The following MTM1 variants were observed in gnomAD, a reference collection of about 807,000 sequenced individuals.
The protein encoded by MTM1 is myotubularin 1.
Under a neutral mutation model 52.1 loss-of-function variants are expected in MTM1, and 9 were observed. The observed-to-expected ratio is 0.17, with a 90% CI of 0.10 to 0.30. MTM1 has a LOEUF of 0.30. Among genes scored for constraint, MTM1 ranks in the 10% least tolerant of loss-of-function variants. MTM1 has a pLI of 1.00. For synonymous variants in MTM1, 136 were observed against 163.8 expected (o/e 0.83, Z 1.29); for missense variants, 277 against 470.7 (o/e 0.59, Z 3.81).
chrX:150,581,968 T>C (rs1222232073), intron 1 of MTM1, among the ~76,000 whole-genome samples: 2 of 112,305 alleles, frequency 1.8e-5, no homozygotes, highest in Non-Finnish European at 3.8e-5. Context: ...AAGCAGATAC[T>C]CTGTTTTGCT....
intron 10 of MTM1, among the ~76,000 whole-genome samples, chrX:150,651,991 G>A (rs1247925052): frequency 1.8e-5 from 2 of 110,892 alleles, no homozygotes; most frequent in African/African-American, 3.3e-5. Context: ...GTGATGTGGT[G>A]GGTGTGAGTG....
intron 6 of MTM1, among the ~76,000 whole-genome samples, chrX:150,625,209 G>C (rs1260182329): frequency 1.8e-5 from 2 of 111,986 alleles, no homozygotes; most frequent in Non-Finnish European, 3.8e-5. Context: ...GTTCTCATCT[G>C]TAATGGAGAT....
chrX:150,602,773 G>A (rs1280513303), intron 4 of MTM1, among the ~76,000 whole-genome samples: 2 of 112,115 alleles, frequency 1.8e-5, no homozygotes, highest in African/African-American at 6.5e-5. Context: ...AGCACTTTGT[G>A]TTTAGGTGCT....
At chrX:150,607,199 G>A (rs1450669013) in intron 4 of MTM1, among the ~76,000 whole-genome samples, 4 of 109,639 alleles carry the variant, frequency 3.6e-5, no homozygotes, top group Non-Finnish European at 7.6e-5. Flanking sequence ...TGTTGGCCAG[G>A]CTGGTCTCGG....
At chrX:150,651,547 A>G (rs781922596) in intron 10 of MTM1, among the ~76,000 whole-genome samples, 2 of 109,280 alleles carry the variant, frequency 1.8e-5, no homozygotes, top group Admixed American at 2.0e-4. Context: ...AAAAAAATGA[A>G]AGGCAAAATA....
intron 1 of MTM1, among the ~76,000 whole-genome samples, chrX:150,583,542 ATTATAC>A (rs2038677766): frequency 3.3e-5 from 1 of 30,081 alleles, no homozygotes; most frequent in South Asian, 4.7e-3. Context: ...AATTATATAT[ATTATAC>A]ATAATTTATA....
intron 4 of MTM1, among the ~76,000 whole-genome samples, chrX:150,600,920 G>T (rs2039057032): frequency 9.0e-6 from 1 of 111,589 alleles, no homozygotes; most frequent in Admixed American, 9.6e-5. Context: ...GATATGACAA[G>T]GTTGTGTATG....
intron 1 of MTM1, among the ~76,000 whole-genome samples, chrX:150,584,587 C>T (rs1350089526): frequency 9.0e-6 from 1 of 111,096 alleles, no homozygotes; most frequent in African/African-American, 3.3e-5. Context: ...GTGCTGGTGC[C>T]AGAATGGAAA....
At chrX:150,593,323 A>T (rs782210461) in intron 2 of MTM1, among the ~76,000 whole-genome samples, 1 of 112,579 alleles carries the variant, frequency 8.9e-6, no homozygotes, top group African/African-American at 3.2e-5. Flanking sequence ...CTGGAAGGCT[A>T]AGGCCTGCTG....
chrX:150,564,868 T>A (rs782405731), upstream of MTM1, among the ~76,000 whole-genome samples: 1 of 112,074 alleles, frequency 8.9e-6, no homozygotes, highest in African/African-American at 3.2e-5. Flanking sequence ...GGCTGCTTTT[T>A]AAATACAGAC....
chrX:150,600,390 C>G (rs1467028848), intron 4 of MTM1, among the ~76,000 whole-genome samples: 6 of 111,931 alleles, frequency 5.4e-5, no homozygotes, highest in African/African-American at 1.9e-4. Context: ...CTTATTTGAA[C>G]CAGTAATTGG....
At chrX:150,642,591 TC>T (rs1261727038) in intron 8 of MTM1, among the ~76,000 whole-genome samples, 2 of 111,837 alleles carry the variant, frequency 1.8e-5, no homozygotes, top group African/African-American at 6.5e-5. Context: ...AGTTCAGTCT[TC>T]CTGTGCTCTG....
At chrX:150,586,947 TAGG>T (rs1158642721) in intron 1 of MTM1, among the ~76,000 whole-genome samples, 1 of 105,917 alleles carries the variant, frequency 9.4e-6, no homozygotes, top group Non-Finnish European at 1.9e-5. Context: ...GCATCTCTGG[TAGG>T]AGGAAGGGAA....
At chrX:150,632,476 A>AGG (rs1310174664) in intron 6 of MTM1, among the ~76,000 whole-genome samples, 5 of 111,813 alleles carry the variant, frequency 4.5e-5, no homozygotes, top group Non-Finnish European at 9.4e-5. Context: ...CTGAAGGTGA[A>AGG]GGGAGCCATT....
rs222419 is a variant in MTM1 at position 150,671,777 on chromosome X, C to T, written c.*182C>T. 1.8e-3 allele frequency: 921 copies of T among 505,355 alleles called. 10 individuals are homozygous for T. The African/African-American group carries it at 0.02, about 11-fold the overall frequency. The allele number at this position is 505,355 out of a possible 1,213,427, so 41.6% of individuals were successfully genotyped here. Reference sequence around the variant, plus strand: ...TTACAAGAAAACTACAGGGTCCACACGGCAATCAGAAGAAAGGAGCTGAGA... The same window carrying T: ...TTACAAGAAAACTACAGGGTCCACATGGCAATCAGAAGAAAGGAGCTGAGA... On this transcript the variant is annotated 3_prime_UTR_variant, in exon 15 of 15. Coordinates refer to ENST00000370396, the MANE Select transcript of MTM1 (RefSeq NM_000252.3).
chrX:150,603,676 T>G (rs1335651460), intron 4 of MTM1, among the ~76,000 whole-genome samples: 1 of 111,913 alleles, frequency 8.9e-6, no homozygotes, highest in South Asian at 3.7e-4. Context: ...GGGAAATTAG[T>G]CTGAAGGCAT....
chrX:150,626,039 G>T (rs781848797), intron 6 of MTM1, among the ~76,000 whole-genome samples: 5 of 112,420 alleles, frequency 4.4e-5, no homozygotes, highest in Middle Eastern at 4.6e-3. Context: ...GCATTTGCAG[G>T]TGTTTGTTAC....
chrX:150,566,427 C>T (rs1319561699), upstream of MTM1, among the ~76,000 whole-genome samples: 3 of 111,764 alleles, frequency 2.7e-5, no homozygotes, highest in South Asian at 3.7e-4. Flanking sequence ...CCTGAGCCAC[C>T]GCGCCCAGCC....
chrX:150,574,316 C>G (rs1407916678), intron 1 of MTM1, among the ~76,000 whole-genome samples: 1 of 111,403 alleles, frequency 9.0e-6, no homozygotes, highest in Admixed American at 9.5e-5. Context: ...TCCCCGGGAG[C>G]TGGTGAAACA....
Sources: gnomAD v4.1 joint callset for allele counts (sites outside exome capture counted in the v4.1 genomes callset) on GRCh38, gnomAD v4.1.1 for gene constraint, MANE v1.5 for transcripts, NCBI Gene and HGNC (gene_info 2026-07-23, HGNC 2026-07-21) for gene names.